The following GPC6 variants were observed in gnomAD, a reference collection of about 807,000 sequenced individuals.
The protein encoded by GPC6 is glypican-6.
A neutral mutation model predicts 55.2 loss-of-function variants in GPC6; 14 were observed. The ratio of observed to expected loss-of-function variants is 0.25; its 90% confidence interval spans 0.17 to 0.40. GPC6 has a LOEUF of 0.40. GPC6 is among the 10% of genes least tolerant of loss of function. GPC6 has a pLI of 1.00. For missense variants in GPC6, 641 were observed against 708.5 expected (o/e 0.90, Z 1.08); for synonymous variants, 278 against 259.6 (o/e 1.07, Z -0.68).
At position 93,544,116 on chromosome 13, in the gene GPC6, T is replaced by C. The variant is rs185397134; in HGVS notation, c.161-1147T>C. Among the ~76,000 whole-genome samples the C allele has an allele frequency of 3.2e-3, 492 of 151,664 alleles. 3 individuals carry two copies. The highest frequency in any genetic ancestry group is 5.6e-3 in the Non-Finnish European group (383 of 67,910). Reference sequence around the variant, plus strand: ...GTTGGACATTTGAGTGTCTTTTAATTAGGAACTCAAACACCTCAACAGTAA... The same window carrying C: ...GTTGGACATTTGAGTGTCTTTTAATCAGGAACTCAAACACCTCAACAGTAA... On this transcript the variant is annotated intron_variant, in intron 1 of 8. Coordinates refer to ENST00000377047, the MANE Select transcript of GPC6 (RefSeq NM_005708.5).
intron 4 of GPC6, among the ~76,000 whole-genome samples, chr13:94,137,096 A>T (rs1388878119): frequency 6.6e-6 from 1 of 152,228 alleles, no homozygotes; most frequent in African/African-American, 2.4e-5. Context: ...TGTCTCAATT[A>T]TTTCTAGTTG....
chr13:93,488,073 A>C (rs1439811905), intron 1 of GPC6, among the ~76,000 whole-genome samples: 1 of 152,096 alleles, frequency 6.6e-6, no homozygotes, highest in African/African-American at 2.4e-5. Context: ...GCACCCACTA[A>C]CTCGTCATTT....
At chr13:93,665,478 CTGTGTGTGTGTA>C in intron 2 of GPC6, among the ~76,000 whole-genome samples, 1 of 151,772 alleles carries the variant, frequency 6.6e-6, no homozygotes, top group Non-Finnish European at 1.5e-5. Context: ...TTGAAAAAGA[CTGTGTGTGTGTA>C]TGTGTGTGTG....
intron 3 of GPC6, among the ~76,000 whole-genome samples, chr13:93,901,276 G>A (rs964920731): frequency 7.9e-5 from 12 of 151,860 alleles, no homozygotes; most frequent in African/African-American, 2.9e-4. Context: ...GTAAAATATG[G>A]CAAGCAAAAT....
At chr13:93,407,916 GA>G (rs1876353234) in intron 1 of GPC6, among the ~76,000 whole-genome samples, 1 of 152,126 alleles carries the variant, frequency 6.6e-6, no homozygotes, top group African/African-American at 2.4e-5. Context: ...TTCAGTCTTG[GA>G]AACACATGGA....
At chr13:94,117,497 A>T (rs898868934) in intron 4 of GPC6, among the ~76,000 whole-genome samples, 3 of 152,112 alleles carry the variant, frequency 2.0e-5, no homozygotes, top group Non-Finnish European at 4.4e-5. Flanking sequence ...GAGAACAATT[A>T]CCTAAATCAC....
chr13:93,848,795 C>T (rs1288427988), intron 3 of GPC6, among the ~76,000 whole-genome samples: 9 of 151,968 alleles, frequency 5.9e-5, no homozygotes, highest in Admixed American at 5.9e-4. Context: ...TGCCCACTGC[C>T]CCCCGCAACC....
At chr13:93,417,164 G>C (rs1876730470) in intron 1 of GPC6, among the ~76,000 whole-genome samples, 1 of 152,128 alleles carries the variant, frequency 6.6e-6, no homozygotes, top group African/African-American at 2.4e-5. Context: ...AGTGGCATGA[G>C]AAAATGTATA....
intron 1 of GPC6, among the ~76,000 whole-genome samples, chr13:93,478,453 G>T (rs143997619): frequency 6.6e-6 from 1 of 152,140 alleles, no homozygotes; most frequent in Admixed American, 6.5e-5. Context: ...TTGTCACCCT[G>T]ACATCAACAA....
At chr13:93,958,617 G>T (rs1219132150) in intron 3 of GPC6, among the ~76,000 whole-genome samples, 1 of 152,144 alleles carries the variant, frequency 6.6e-6, no homozygotes, top group East Asian at 1.9e-4. Flanking sequence ...ATAGTTCAAA[G>T]TTGAATAGTG....
chr13:93,946,340 C>T (rs376926427), intron 3 of GPC6, among the ~76,000 whole-genome samples: 2 of 152,198 alleles, frequency 1.3e-5, no homozygotes, highest in East Asian at 3.9e-4. Context: ...CTATGTTGCC[C>T]AGGCTGGTCT....
At chr13:93,828,724 A>G (rs572187514) in intron 2 of GPC6, among the ~76,000 whole-genome samples, 1 of 152,308 alleles carries the variant, frequency 6.6e-6, no homozygotes, top group South Asian at 2.1e-4. Context: ...AAATATATAT[A>G]TATTTCATAG....
At chr13:93,912,080 G>A (rs193171730) in intron 3 of GPC6, among the ~76,000 whole-genome samples, 3,497 of 151,992 alleles carry the variant, frequency 0.023, 51 homozygotes, top group Non-Finnish European at 0.037. Context: ...GAGACAGCCC[G>A]TGAATGATTT....
At chr13:93,889,628 A>T (rs1566588154) in intron 3 of GPC6, among the ~76,000 whole-genome samples, 1 of 152,144 alleles carries the variant, frequency 6.6e-6, no homozygotes, top group Non-Finnish European at 1.5e-5. Flanking sequence ...ATGAAGCTGA[A>T]TTTGTCAAAG....
At chr13:94,071,185 T>G (rs899232151) in intron 4 of GPC6, among the ~76,000 whole-genome samples, 1 of 152,234 alleles carries the variant, frequency 6.6e-6, no homozygotes, top group African/African-American at 2.4e-5. Flanking sequence ...TATATTCCTT[T>G]GTTCTTTATG....
At chr13:93,645,640 C>A (rs2139592245) in intron 2 of GPC6, among the ~76,000 whole-genome samples, 1 of 152,242 alleles carries the variant, frequency 6.6e-6, no homozygotes, top group East Asian at 1.9e-4. Context: ...TTTTGTCGAT[C>A]TTGCTTCACT....
At chr13:93,730,976 C>A (rs1883800272) in intron 2 of GPC6, among the ~76,000 whole-genome samples, 1 of 152,136 alleles carries the variant, frequency 6.6e-6, no homozygotes, top group African/African-American at 2.4e-5. Context: ...GATATGTTGA[C>A]AGCATTCCTC....
chr13:94,374,758 A>AT (rs1365053901), intron 6 of GPC6, among the ~76,000 whole-genome samples: 1 of 139,712 alleles, frequency 7.2e-6, no homozygotes, highest in African/African-American at 2.9e-5. Context: ...CAGAATATAC[A>AT]TTTTTTTCAG....
chr13:94,137,388 G>T (rs1045552566), intron 4 of GPC6, among the ~76,000 whole-genome samples: 12 of 152,116 alleles, frequency 7.9e-5, no homozygotes, highest in Non-Finnish European at 1.5e-4. Flanking sequence ...ATAGGCAGGG[G>T]ATTTGTGACA....
Sources: gnomAD v4.1 joint callset for allele counts (sites outside exome capture counted in the v4.1 genomes callset) on GRCh38, gnomAD v4.1.1 for gene constraint, MANE v1.5 for transcripts, NCBI Gene and HGNC (gene_info 2026-07-23, HGNC 2026-07-21) for gene names.